ARHGAP10: variants seen among roughly 807,000 people sequenced by gnomAD.
ARHGAP10 encodes rho GTPase-activating protein 10.
ARHGAP10 carries 87 observed loss-of-function variants against 108.6 expected under a neutral mutation model. That is an observed-to-expected ratio of 0.80 (90% confidence interval 0.67 to 0.96). ARHGAP10 has a LOEUF of 0.96. ARHGAP10 is among the 40% of genes least tolerant of loss of function. The probability of loss-of-function intolerance (pLI) is 0.00; values close to 1 mark genes in which losing one functional copy is unlikely to be tolerated. For missense variants in ARHGAP10, 939 were observed against 954.5 expected (o/e 0.98, Z 0.21); for synonymous variants, 347 against 341.1 (o/e 1.02, Z -0.19).
intron 18 of ARHGAP10, among the ~76,000 whole-genome samples, chr4:147,970,276 G>C (rs918247691): frequency 6.6e-6 from 1 of 152,178 alleles, no homozygotes; most frequent in Non-Finnish European, 1.5e-5. Context: ...ATACCCTTCA[G>C]AGGATCCTAA....
intron 19 of ARHGAP10, among the ~76,000 whole-genome samples, chr4:148,027,980 C>A (rs1727954257): frequency 6.6e-6 from 1 of 151,824 alleles, no homozygotes; most frequent in Admixed American, 6.6e-5. Flanking sequence ...AATTGAAGAG[C>A]TTTTATATGC....
At chr4:147,793,975 A>G (rs367623990) in intron 1 of ARHGAP10, among the ~76,000 whole-genome samples, 2 of 152,260 alleles carry the variant, frequency 1.3e-5, no homozygotes, top group East Asian at 3.8e-4. Flanking sequence ...ATTTTCAAAC[A>G]GTTCTACTAT....
intron 18 of ARHGAP10, among the ~76,000 whole-genome samples, chr4:147,993,617 C>A (rs972269213): frequency 1.3e-5 from 2 of 152,200 alleles, no homozygotes; most frequent in Non-Finnish European, 2.9e-5. Flanking sequence ...GTCTGGAGAT[C>A]GTCTGAGTTT....
At chr4:147,785,108 A>G (rs1028319854) in intron 1 of ARHGAP10, among the ~76,000 whole-genome samples, 2 of 143,762 alleles carry the variant, frequency 1.4e-5, no homozygotes, top group East Asian at 4.1e-4. Flanking sequence ...AAAGAATAAC[A>G]TCTAAGCTAA....
intron 18 of ARHGAP10, among the ~76,000 whole-genome samples, chr4:147,969,782 C>T (rs1443054552): frequency 2.0e-5 from 3 of 152,176 alleles, no homozygotes; most frequent in Non-Finnish European, 2.9e-5. Flanking sequence ...CGAAAGTGGC[C>T]TCGCTTTCAG....
chr4:148,062,548 C>T (rs1292114555), intron 20 of ARHGAP10, among the ~76,000 whole-genome samples: 1 of 152,152 alleles, frequency 6.6e-6, no homozygotes, highest in Non-Finnish European at 1.5e-5. Flanking sequence ...GAGGCCATTC[C>T]AGGTGTCTGT....
intron 19 of ARHGAP10, among the ~76,000 whole-genome samples, chr4:148,027,634 A>G (rs1002839868): frequency 6.6e-6 from 1 of 152,218 alleles, no homozygotes; most frequent in African/African-American, 2.4e-5. Flanking sequence ...TCAGAGTAGG[A>G]CAAATATGTC....
intron 13 of ARHGAP10, among the ~76,000 whole-genome samples, chr4:147,922,252 G>C (rs891903435): frequency 3.6e-4 from 54 of 152,090 alleles, no homozygotes; most frequent in Non-Finnish European, 5.4e-4. Context: ...GGGAGGGAGG[G>C]AGGCAGGCAC....
chr4:148,020,660 T>C, intron 18 of ARHGAP10, among the ~76,000 whole-genome samples: 1 of 152,120 alleles, frequency 6.6e-6, no homozygotes, highest in East Asian at 1.9e-4. Context: ...TATTCTAATA[T>C]ATATACACCA....
intron 22 of ARHGAP10, chr4:148,065,444 C>T (rs1305046375): frequency 2.0e-5 from 3 of 152,186 alleles, no homozygotes; most frequent in African/African-American, 7.2e-5. Flanking sequence ...GAGACAGAGA[C>T]TCCTGGTAGT....
chr4:148,072,334 G>A lies in ARHGAP10; in HGVS notation c.*253G>A, dbSNP rs1730220482. 1 of 417,728 alleles carries A rather than the reference G, an allele frequency of 2.4e-6. No individual in the cohort carries two copies. 25.9% of individuals were successfully genotyped at this position (417,728 alleles called of 1,614,324 possible). ...GGACTTTTCATTTGTCAAGTATTGGGACTTGTGATTTTTAATTATCCAGCA... is the reference window on the plus strand; with the variant it reads ...GGACTTTTCATTTGTCAAGTATTGGAACTTGTGATTTTTAATTATCCAGCA... On this transcript the variant is annotated 3_prime_UTR_variant, in exon 23 of 23. Transcript: ENST00000336498.
intron 18 of ARHGAP10, among the ~76,000 whole-genome samples, chr4:147,973,222 A>G (rs1273094006): frequency 1.3e-5 from 2 of 152,188 alleles, no homozygotes; most frequent in Admixed American, 1.3e-4. Flanking sequence ...GAGGGGAAGG[A>G]CAGAGCAGGA....
At chr4:147,741,481 T>C (rs985706503) in intron 1 of ARHGAP10, among the ~76,000 whole-genome samples, 2 of 152,122 alleles carry the variant, frequency 1.3e-5, no homozygotes, top group Non-Finnish European at 2.9e-5. Context: ...GATGTTTGTA[T>C]AAACACAATG....
chr4:147,955,213 T>C (rs1252032260), intron 15 of ARHGAP10, 103 bp from the exon 16 acceptor site: 1 of 1,119,214 alleles, frequency 8.9e-7, no homozygotes, highest in Non-Finnish European at 1.3e-6. Context: ...GTTTTACACA[T>C]TAATTAAGAA....
chr4:148,071,638 C>CA (rs11393465), intron 22 of ARHGAP10, among the ~76,000 whole-genome samples: 74,550 of 150,620 alleles, frequency 0.49, 20,598 homozygotes, highest in East Asian at 0.83. Context: ...AACAAACAAA[C>CA]AAAAAAAAAC....
intron 3 of ARHGAP10, among the ~76,000 whole-genome samples, chr4:147,827,245 A>T (rs1228448329): frequency 6.6e-6 from 1 of 151,796 alleles, no homozygotes; most frequent in Admixed American, 6.6e-5. Flanking sequence ...TTGAATGCTT[A>T]CTAAAACATA....
intron 19 of ARHGAP10, among the ~76,000 whole-genome samples, chr4:148,046,309 A>G (rs929584783): frequency 1.3e-5 from 2 of 152,208 alleles, no homozygotes; most frequent in Non-Finnish European, 2.9e-5. Context: ...ATCGTGTGGC[A>G]TTACCACAAA....
chr4:148,023,485 G>T lies in ARHGAP10; in HGVS notation c.1867+72G>T, dbSNP rs1306814580. On this transcript the variant is annotated intron_variant, in intron 19 of 22. Transcript: ENST00000336498. Reference sequence around the variant, plus strand: ...GGCGTATCATATGTCGTCAGGGCAGGCCACAGTTTTCTGTCATCTGTGTTT... The same window carrying T: ...GGCGTATCATATGTCGTCAGGGCAGTCCACAGTTTTCTGTCATCTGTGTTT... 2.8e-6 allele frequency: 4 copies of T among 1,435,368 alleles called. No individual in the cohort carries two copies. In the African/African-American group the frequency reaches 5.7e-5, roughly 20 times the overall value. 88.9% of individuals were successfully genotyped at this position (1,435,368 alleles called of 1,614,324 possible).
intron 4 of ARHGAP10, among the ~76,000 whole-genome samples, chr4:147,851,723 A>G (rs1579116444): frequency 2.0e-5 from 3 of 152,364 alleles, no homozygotes; most frequent in African/African-American, 2.4e-5. Context: ...GCCCTGAGAT[A>G]CAACTAGGAA....
Sources: gnomAD v4.1 joint callset for allele counts (sites outside exome capture counted in the v4.1 genomes callset) on GRCh38, gnomAD v4.1.1 for gene constraint, MANE v1.5 for transcripts, NCBI Gene and HGNC (gene_info 2026-07-23, HGNC 2026-07-21) for gene names.